PTPN6: variants seen among roughly 807,000 people sequenced by gnomAD.
The protein encoded by PTPN6 is protein tyrosine phosphatase non-receptor type 6, also known as tyrosine-protein phosphatase non-receptor type 6.
In PTPN6, 18 loss-of-function variants were observed where a neutral mutation model predicts 81.5. The ratio of observed to expected loss-of-function variants is 0.22; its 90% CI spans 0.15 to 0.33. The LOEUF is 0.33. Among genes scored for constraint, PTPN6 ranks in the 10% least tolerant of loss-of-function variants. The pLI, the probability that PTPN6 is intolerant of heterozygous loss-of-function variation, is 1.00. For missense variants in PTPN6, 500 were observed against 794.2 expected (o/e 0.63, Z 4.45); for synonymous variants, 301 against 310.9 (o/e 0.97, Z 0.33).
At position 6,956,460 on chromosome 12, in the gene PTPN6, C is replaced by T. The variant is rs372677554; in HGVS notation, c.966C>T (p.Ile322=). 5.3e-5 allele frequency: 85 copies of T among 1,614,018 alleles called. No individual in the cohort carries two copies. The highest frequency in any genetic ancestry group is 9.3e-5 in the African/African-American group (7 of 74,918). ...CTGATGAGAACGCTAAGACCTACAT[C>T]GCCAGCCAGGGTTGTCTGGAGGCCA... ...LGPDENAKTY[I]ASQGCLEATV... is the part of the protein sequence containing the mutation. Residue 322 remains isoleucine (I), a synonymous_variant, in exon 9 of 16, where the codon ATC becomes ATT. Coordinates refer to ENST00000318974, the MANE Select transcript of PTPN6 (RefSeq NM_002831.6). The surrounding 1 kb of genome is among the most constrained non-coding windows in gnomAD (Gnocchi z 4.1).
At chr12:6,947,798 G>A (rs1030957538), upstream of PTPN6, among the ~76,000 whole-genome samples, 4 of 152,112 alleles carry the variant, frequency 2.6e-5, no homozygotes, top group African/African-American at 9.7e-5. Flanking sequence ...GCTGAGACCC[G>A]GATGAGGAGG....
At chr12:6,950,645 T>A (rs1169216129), upstream of PTPN6, among the ~76,000 whole-genome samples, 1 of 152,108 alleles carries the variant, frequency 6.6e-6, no homozygotes, top group Non-Finnish European at 1.5e-5. Flanking sequence ...AGGGCACCCT[T>A]CTCTCTTGCA....
At chr12:6,948,019 C>T (rs781817061), upstream of PTPN6, among the ~76,000 whole-genome samples, 61 of 151,858 alleles carry the variant, frequency 4.0e-4, no homozygotes, top group African/African-American at 9.9e-4. Flanking sequence ...GATGAGGTGG[C>T]GCACGTCTGT....
upstream of PTPN6, among the ~76,000 whole-genome samples, chr12:6,948,988 C>CA (rs1308465186): frequency 6.6e-6 from 1 of 151,712 alleles, no homozygotes; most frequent in African/African-American, 2.4e-5. Flanking sequence ...AACCTGCTTA[C>CA]AGAGTACTGG....
chr12:6,955,689 G>T lies in PTPN6; in HGVS notation c.777G>T (p.Leu259Phe). ...ESLQKQEVKN[L>F]HQRLEGQRPE... The stretch of plus-strand genomic sequence containing the variant: ...TGCAGAAGCAGGAGGTGAAGAACTT[G>T]CACCAGCGTCTGGAAGGGCAGCGGC... Residue 259 changes from leucine (L) to phenylalanine (F), a missense_variant, in exon 7 of 16, where the codon TTG becomes TTT. Leu to Phe is a conservative substitution (Grantham distance 22). Around this residue, in one of 6 missense-constraint regions of PTPN6, gnomAD observed 96 missense variants for 137.3 expected, o/e 0.70. Coordinates refer to ENST00000318974, the MANE Select transcript of PTPN6 (RefSeq NM_002831.6). This position sits in a 1 kb window ranked among gnomAD's most constrained non-coding sequence, Gnocchi z 7.2. The T allele has an allele frequency of 6.2e-7, 1 of 1,614,044 alleles. No homozygotes were observed. The highest frequency in any genetic ancestry group is 8.5e-7 in the Non-Finnish European group (1 of 1,180,000).
At chr12:6,948,532 AAAAG>A (rs1168929829), upstream of PTPN6, among the ~76,000 whole-genome samples, 71 of 151,666 alleles carry the variant, frequency 4.7e-4, no homozygotes, top group Middle Eastern at 3.4e-3. Flanking sequence ...AAGAAGAAAG[AAAAG>A]GAAGGAAGGA....
At chr12:6,948,643 AG>A (rs1555147203), upstream of PTPN6, among the ~76,000 whole-genome samples, 1 of 151,974 alleles carries the variant, frequency 6.6e-6, no homozygotes, top group Non-Finnish European at 1.5e-5. Context: ...GAAAGAAAAA[AG>A]AAAAAGTGAC....
Position 6,956,373 on chromosome 12 carries a change from A to G in PTPN6, c.925-46A>G. 1 of 1,614,026 alleles carries G rather than the reference A, an allele frequency of 6.2e-7. No homozygotes were observed. Among genetic ancestry groups the G allele is most frequent in the Non-Finnish European group, 8.5e-7 (1 of 1,179,996 alleles). On this transcript the variant is annotated intron_variant, in intron 8 of 15. Transcript: ENST00000318974. This position sits in a 1 kb window ranked among gnomAD's most constrained non-coding sequence, Gnocchi z 4.1. ...AGTGGTTCAGGGCCTGTGCTGGGCCAAGGGGCTCACTGTCTTGGGGTGCGT... is the reference window on the plus strand; with the variant it reads ...AGTGGTTCAGGGCCTGTGCTGGGCCGAGGGGCTCACTGTCTTGGGGTGCGT...
At chr12:6,951,312 G>A (rs782817855), upstream of PTPN6, 43 of 1,492,134 alleles carry the variant, frequency 2.9e-5, no homozygotes, top group Non-Finnish European at 3.6e-5. This position sits in a 1 kb window ranked among gnomAD's most constrained non-coding sequence, Gnocchi z 7.2. Context: ...CCAAGGGGTC[G>A]GCCGCGCCTC....
rs987599864 is a variant in PTPN6, at chr12:6,954,299, C to T, written c.327-506C>T. Reference sequence around the variant, plus strand: ...CTCCCTGTGGTGTGGCCTCGGTCTGCGTTTCTCTTTGCCTCTGGTCTCTGC... The same window carrying T: ...CTCCCTGTGGTGTGGCCTCGGTCTGTGTTTCTCTTTGCCTCTGGTCTCTGC... On this transcript the variant is annotated intron_variant, in intron 3 of 15. Transcript: ENST00000318974. This position sits in a 1 kb window ranked among gnomAD's most constrained non-coding sequence, Gnocchi z 5.4. Among the ~76,000 whole-genome samples, 2 of 151,916 alleles carry T rather than the reference C, an allele frequency of 1.3e-5. No homozygotes were observed. The highest frequency in any genetic ancestry group is 2.9e-5 in the Non-Finnish European group (2 of 68,034).
At position 6,961,280 on chromosome 12, in the gene PTPN6, C is replaced by T; in HGVS notation, c.*180C>T. The T allele has an allele frequency of 5.8e-6, 2 of 343,410 alleles. No homozygotes were observed. Among genetic ancestry groups the T allele is most frequent in the Non-Finnish European group, 1.1e-5 (2 of 174,688 alleles). The allele number at this position is 343,410 out of a possible 1,614,324, so 21.3% of individuals were successfully genotyped here. The stretch of plus-strand genomic sequence containing the variant: ...AGCCAGGCCCCAGGCAGGGCCAACC[C>T]TTCTCCTCTTGTAAATAAAGCCCTG... On this transcript the variant is annotated 3_prime_UTR_variant, in exon 16 of 16. Coordinates refer to ENST00000318974, the MANE Select transcript of PTPN6 (RefSeq NM_002831.6).
In PTPN6 at chr12:6,955,614, A is replaced by G. The variant is rs371508473; in HGVS notation, c.748-46A>G. 3.8e-6 allele frequency: 6 copies of G among 1,590,436 alleles called. No individual in the cohort carries two copies. The African/African-American group carries it at 8.1e-5, about 21-fold the overall frequency. On this transcript the variant is annotated intron_variant, in intron 6 of 15. Transcript: ENST00000318974. The surrounding 1 kb of genome is among the most constrained non-coding windows in gnomAD (Gnocchi z 7.2). The stretch of plus-strand genomic sequence containing the variant: ...CACCCCACGTGAGCTCCCCCGATGG[A>G]TGCCCTCTTTGGGAGCTGATGCTCA...
chr12:6,953,716 G>A (rs909460426), intron 3 of PTPN6: 1 of 152,336 alleles, frequency 6.6e-6, no homozygotes, highest in African/African-American at 2.4e-5. Context: ...TCATCCTGGG[G>A]CCTGAGGGAA....
chr12:6,955,803 C>T lies in PTPN6; in HGVS notation c.844+47C>T, dbSNP rs1555148560. ...TTCACCCAGGATACCGCCCCTGCCCCAGCTGCCTCCCCTCATCTCACAGGT... is the reference window on the plus strand; with the variant it reads ...TTCACCCAGGATACCGCCCCTGCCCTAGCTGCCTCCCCTCATCTCACAGGT... On this transcript the variant is annotated intron_variant, in intron 7 of 15. Coordinates refer to ENST00000318974, the MANE Select transcript of PTPN6 (RefSeq NM_002831.6). This position sits in a 1 kb window ranked among gnomAD's most constrained non-coding sequence, Gnocchi z 7.2. 6 of 1,550,178 alleles carry T rather than the reference C, an allele frequency of 3.9e-6. No individual in the cohort carries two copies. Among genetic ancestry groups the T allele is most frequent in the Non-Finnish European group, 5.3e-6 (6 of 1,122,654 alleles).
Position 6,957,629 on chromosome 12 carries a change from T to TCCCCCCCCC in PTPN6, c.1075-21_1075-20insCCCCCCCCC. ...CCACAGTGCCCTGCTCTGTGCCTCATCCCCACCCGACCCTCCCTTTCCAGA... is the reference window on the plus strand; with the variant it reads ...CCACAGTGCCCTGCTCTGTGCCTCATCCCCCCCCCCCCCACCCGACCCTCCCTTTCCAGA... On this transcript the variant is annotated intron_variant, in intron 9 of 15. Transcript: ENST00000318974. The surrounding 1 kb of genome is among the most constrained non-coding windows in gnomAD (Gnocchi z 6.5). 12 of 1,521,316 alleles carry TCCCCCCCCC rather than the reference T, an allele frequency of 7.9e-6. No homozygotes were observed. The highest frequency in any genetic ancestry group is 9.9e-6 in the Non-Finnish European group (11 of 1,105,528). 94.2% of individuals were successfully genotyped at this position (1,521,316 alleles called of 1,614,324 possible). A position where few individuals can be genotyped will look rare whatever the true frequency, so the allele number is the denominator to read the frequency against.
At chr12:6,958,535 G>A (rs1421005985) in intron 11 of PTPN6, among the ~76,000 whole-genome samples, 7 of 152,200 alleles carry the variant, frequency 4.6e-5, no homozygotes, top group South Asian at 4.1e-4. Context: ...GCAGGGCTTC[G>A]GCTTCTTCCT....
Position 6,951,556 on chromosome 12 carries a change from G to A in PTPN6, c.8+36G>A, listed in dbSNP as rs1555147725. On this transcript the variant is annotated intron_variant, in intron 1 of 15. Transcript: ENST00000318974. This position sits in a 1 kb window ranked among gnomAD's most constrained non-coding sequence, Gnocchi z 7.2. ...GCCACCCACGGTAGACAGGAGGCAA[G>A]GGTGCCTGGTGCCCACGGGACCCCT... 6.2e-7 allele frequency: 1 copy of A among 1,613,928 alleles called. No individual in the cohort carries two copies. The highest frequency in any genetic ancestry group is 8.5e-7 in the Non-Finnish European group (1 of 1,180,002).
At chr12:6,953,927 G>T (rs1170175767) in intron 3 of PTPN6, among the ~76,000 whole-genome samples, 4 of 151,952 alleles carry the variant, frequency 2.6e-5, no homozygotes, top group African/African-American at 9.7e-5. Context: ...CCCTCCCCTC[G>T]TCCCTGGGCT....
rs1555148359 is a variant in PTPN6, at chr12:6,955,065, A to T, written c.516+71A>T. ...TGTGACCACAGTGTGGGTGGCAGGG[A>T]GGGTCTGCCTGGGCTTGAATTCAAG... On this transcript the variant is annotated intron_variant, in intron 4 of 15. Coordinates refer to ENST00000318974, the MANE Select transcript of PTPN6 (RefSeq NM_002831.6). This position sits in a 1 kb window ranked among gnomAD's most constrained non-coding sequence, Gnocchi z 7.2. 1 of 1,606,662 alleles carries T rather than the reference A, an allele frequency of 6.2e-7. No homozygotes were observed. The highest frequency in any genetic ancestry group is 1.3e-5 in the African/African-American group (1 of 74,744).
Sources: gnomAD v4.1 joint callset for allele counts (sites outside exome capture counted in the v4.1 genomes callset) on GRCh38, gnomAD v4.1.1 for gene constraint, gnomAD v4.1.1 regional missense constraint, Gnocchi (gnomAD v3.1) non-coding constraint, MANE v1.5 for transcripts, NCBI Gene and HGNC (gene_info 2026-07-23, HGNC 2026-07-21) for gene names.